CTDNEP1: variants seen among roughly 807,000 people sequenced by gnomAD.
The protein encoded by CTDNEP1 is C-terminal domain nuclear envelope phosphatase 1.
CTDNEP1 carries 3 observed loss-of-function variants against 30.1 expected under a neutral mutation model. The ratio of observed to expected loss-of-function variants is 0.10; its 90% CI spans 0.05 to 0.26. The LOEUF is 0.26. Ranked by LOEUF, CTDNEP1 falls within the 10% of genes least tolerant of loss-of-function variation. The pLI, the probability that CTDNEP1 is intolerant of heterozygous loss-of-function variation, is 1.00. For missense variants in CTDNEP1, 158 were observed against 310.4 expected, an observed-to-expected ratio of 0.51 and a Z score of 3.69; for synonymous variants, 123 against 118.8, an observed-to-expected ratio of 1.04 and a Z score of -0.23.
At chr17:7,247,229 A>C (rs762992270) in intron 2 of CTDNEP1, 47 bp from the exon 3 acceptor site, 2 of 1,610,668 alleles carry the variant, frequency 1.2e-6, no homozygotes, top group South Asian at 1.1e-5. Context: ...TCTGACCCAG[A>C]GCTAGCCCCT....
chr17:7,247,818 A>C (rs2071863082), intron 1 of CTDNEP1, among the ~76,000 whole-genome samples: 1 of 152,086 alleles, frequency 6.6e-6, no homozygotes, highest in Non-Finnish European at 1.5e-5. Flanking sequence ...ACCTGTTTTA[A>C]GGTTAAAGAA....
In CTDNEP1 at chr17:7,246,663, C is replaced by T. The variant is rs761035936; in HGVS notation, c.360+128G>A. On this transcript the variant is annotated intron_variant, in intron 4 of 7. Transcript: ENST00000574322. This position sits in a 1 kb window ranked among gnomAD's most constrained non-coding sequence, Gnocchi z 4.9. ...ACTGAAAGCCACTCCCCTACCATTACACAGCCTCCCCTCTAGAAAACTGCT... is the reference window on the plus strand; with the variant it reads ...ACTGAAAGCCACTCCCCTACCATTATACAGCCTCCCCTCTAGAAAACTGCT... 2 of 767,924 alleles carry T rather than the reference C, an allele frequency of 2.6e-6. No homozygotes were observed. The highest frequency in any genetic ancestry group is 2.4e-5 in the East Asian group (1 of 40,964). 47.6% of individuals were successfully genotyped at this position (767,924 alleles called of 1,614,324 possible).
intron 7 of CTDNEP1, 43 bp from the exon 8 acceptor site, chr17:7,244,288 C>A: frequency 1.3e-6 from 2 of 1,591,506 alleles, no homozygotes; most frequent in South Asian, 2.2e-5. Context: ...CCTTATAGTT[C>A]ATACCCTCAC....
rs1597577891 is a variant in CTDNEP1 at position 7,251,621 on chromosome 17, T to C, written c.-325A>G. 1 of 64,048 alleles carries C rather than the reference T, an allele frequency of 1.6e-5. No individual in the cohort carries two copies. Among genetic ancestry groups the C allele is most frequent in the Non-Finnish European group, 2.9e-5 (1 of 34,374 alleles). The allele number at this position is 64,048 out of a possible 1,614,324, so 4.0% of individuals were successfully genotyped here. A position where few individuals can be genotyped will look rare whatever the true frequency, so the allele number is the denominator to read the frequency against. On this transcript the variant is annotated 5_prime_UTR_variant, in exon 1 of 8. Transcript: ENST00000574322. ...CGAGACCTGGAGGGAAGGGGAAGGA[T>C]AATTGGGGGAGGGGGCAGTGGGGGA...
intron 6 of CTDNEP1, among the ~76,000 whole-genome samples, chr17:7,245,189 G>A (rs532112648): frequency 6.6e-6 from 1 of 152,288 alleles, no homozygotes; most frequent in South Asian, 2.1e-4. Context: ...CTACTTGGGA[G>A]GCTGAGGCAG....
rs375033484 is a variant in CTDNEP1, at chr17:7,246,184, C to A, written c.478-47G>T. ...AGCAGGCCTCTCTCCAGGATACTCT[C>A]CTCAAACCCAGATCCCTCCCTGGTG... On this transcript the variant is annotated intron_variant, in intron 5 of 7. Coordinates refer to ENST00000574322, the MANE Select transcript of CTDNEP1 (RefSeq NM_001143775.2). The surrounding 1 kb of genome is among the most constrained non-coding windows in gnomAD (Gnocchi z 4.9). 9.5e-6 allele frequency: 15 copies of A among 1,585,686 alleles called. No homozygotes were observed. In the African/African-American group the frequency reaches 1.9e-4, roughly 20 times the overall value.
chr17:7,249,462 A>T (rs1204160027), intron 1 of CTDNEP1, among the ~76,000 whole-genome samples: 1 of 152,134 alleles, frequency 6.6e-6, no homozygotes, highest in Non-Finnish European at 1.5e-5. Context: ...AAGAAACCAG[A>T]TTGGAAGGGA....
intron 6 of CTDNEP1, 91 bp from the exon 7 acceptor site, chr17:7,244,726 A>G: frequency 3.1e-6 from 3 of 966,550 alleles, no homozygotes; most frequent in Non-Finnish European, 4.5e-6. Flanking sequence ...ATTATTGTTA[A>G]AAATATATGC....
Position 7,246,660 on chromosome 17 carries a change from T to C in CTDNEP1, c.360+131A>G. The C allele has an allele frequency of 1.3e-6, 1 of 755,060 alleles. No individual in the cohort carries two copies. Among genetic ancestry groups the C allele is most frequent in the South Asian group, 1.7e-5 (1 of 59,942 alleles). The allele number at this position is 755,060 out of a possible 1,614,324, so 46.8% of individuals were successfully genotyped here. On this transcript the variant is annotated intron_variant, in intron 4 of 7. Transcript: ENST00000574322. The surrounding 1 kb of genome is among the most constrained non-coding windows in gnomAD (Gnocchi z 4.9). ...AGTACTGAAAGCCACTCCCCTACCATTACACAGCCTCCCCTCTAGAAAACT... is the reference window on the plus strand; with the variant it reads ...AGTACTGAAAGCCACTCCCCTACCACTACACAGCCTCCCCTCTAGAAAACT...
At chr17:7,247,988 C>T (rs547124255) in intron 1 of CTDNEP1, among the ~76,000 whole-genome samples, 80 of 151,724 alleles carry the variant, frequency 5.3e-4, no homozygotes, top group African/African-American at 1.7e-3. Context: ...ATCAGCCAGG[C>T]GCAGTGGCTC....
At chr17:7,247,684 G>T (rs1400076415) in intron 1 of CTDNEP1, among the ~76,000 whole-genome samples, 2 of 151,734 alleles carry the variant, frequency 1.3e-5, no homozygotes, top group Non-Finnish European at 1.5e-5. Context: ...GGCCTGGCTG[G>T]TCTCAAACTC....
intron 1 of CTDNEP1, among the ~76,000 whole-genome samples, chr17:7,247,759 G>A (rs1233101357): frequency 2.6e-5 from 4 of 151,650 alleles, no homozygotes; most frequent in Non-Finnish European, 4.4e-5. Flanking sequence ...GAGCCACTAC[G>A]CTGGCCTTTT....
chr17:7,244,409 T>C, intron 7 of CTDNEP1, 142 bp downstream of exon 7: 1 of 1,180,666 alleles, frequency 8.5e-7, no homozygotes, highest in Non-Finnish European at 1.2e-6. Flanking sequence ...TGATGAGCTT[T>C]GAAGTAAGAC....
chr17:7,246,962 G>A lies in CTDNEP1; in HGVS notation c.289-100C>T, dbSNP rs2071846215. On this transcript the variant is annotated intron_variant, in intron 3 of 7. Coordinates refer to ENST00000574322, the MANE Select transcript of CTDNEP1 (RefSeq NM_001143775.2). This position sits in a 1 kb window ranked among gnomAD's most constrained non-coding sequence, Gnocchi z 4.9. ...GCTTCCCTCCTCCAGGCTGACACTG[G>A]TGCCAGCGGATGGAGACAGATGCTC... The A allele has an allele frequency of 1.4e-6, 2 of 1,410,968 alleles. No homozygotes were observed. Among genetic ancestry groups the A allele is most frequent in the East Asian group, 4.6e-5 (2 of 43,892 alleles). 87.4% of individuals were successfully genotyped at this position (1,410,968 alleles called of 1,614,324 possible). A position where few individuals can be genotyped will look rare whatever the true frequency, so the allele number is the denominator to read the frequency against.
chr17:7,251,111 C>T (rs2071914054), intron 1 of CTDNEP1, 84 bp downstream of exon 1: 2 of 961,230 alleles, frequency 2.1e-6, no homozygotes, highest in East Asian at 3.2e-5. Flanking sequence ...AGGCCCGACA[C>T]TCCGAAAACC....
Position 7,244,148 on chromosome 17 carries a change from C to A in CTDNEP1, c.*37G>T, listed in dbSNP as rs751035405. On this transcript the variant is annotated 3_prime_UTR_variant, in exon 8 of 8. Coordinates refer to ENST00000574322, the MANE Select transcript of CTDNEP1 (RefSeq NM_001143775.2). ...CATCCCAAGGGCTCGCCCTCCCTTT[C>A]CCCCCCACCCCAACTCAGGTGGAGG... The A allele has an allele frequency of 6.2e-7, 1 of 1,611,062 alleles. No individual in the cohort carries two copies. Among genetic ancestry groups the A allele is most frequent in the Non-Finnish European group, 8.5e-7 (1 of 1,178,310 alleles).
In CTDNEP1 at chr17:7,251,189, G is replaced by T. The variant is rs1422265035; in HGVS notation, c.102+6C>A. ...CCCAACACCGCCAGCGCCCACCCTGGCTCACCGTGCGGATCTGCCTCCGCA... is the reference window on the plus strand; with the variant it reads ...CCCAACACCGCCAGCGCCCACCCTGTCTCACCGTGCGGATCTGCCTCCGCA... On this transcript the variant is annotated splice_donor_region_variant and intron_variant, in intron 1 of 7. Transcript: ENST00000574322. 7 of 1,590,640 alleles carry T rather than the reference G, an allele frequency of 4.4e-6. No individual in the cohort carries two copies. The highest frequency in any genetic ancestry group is 5.1e-6 in the Non-Finnish European group (6 of 1,169,140).
In CTDNEP1 at chr17:7,251,360, G is replaced by A. The variant is rs2071921323; in HGVS notation, c.-64C>T. The A allele has an allele frequency of 1.7e-6, 2 of 1,165,680 alleles. No individual in the cohort carries two copies. Among genetic ancestry groups the A allele is most frequent in the Non-Finnish European group, 1.1e-6 (1 of 887,000 alleles). 72.2% of individuals were successfully genotyped at this position (1,165,680 alleles called of 1,614,324 possible). On this transcript the variant is annotated 5_prime_UTR_variant, in exon 1 of 8. Coordinates refer to ENST00000574322, the MANE Select transcript of CTDNEP1 (RefSeq NM_001143775.2). ...GGCCCAGCTCCGCCAGCCCCCCGGG[G>A]GCAGCCCCCCGCCGCCGGGAGGGGG...
At position 7,246,900 on chromosome 17, in the gene CTDNEP1, C is replaced by CACCACA. The variant is rs1453062094; in HGVS notation, c.289-44_289-39dup. ...AAGATGGGCTGGGGGATGTCATGAC[C>CACCACA]ACCACAACCCAGGCCTAGAAAACGC... On this transcript the variant is annotated intron_variant, in intron 3 of 7. Coordinates refer to ENST00000574322, the MANE Select transcript of CTDNEP1 (RefSeq NM_001143775.2). This position sits in a 1 kb window ranked among gnomAD's most constrained non-coding sequence, Gnocchi z 4.9. 3 of 1,581,076 alleles carry CACCACA rather than the reference C, an allele frequency of 1.9e-6. No individual in the cohort carries two copies. The highest frequency in any genetic ancestry group is 3.3e-4 in the Middle Eastern group (2 of 5,994).
Sources: gnomAD v4.1 joint callset for allele counts (sites outside exome capture counted in the v4.1 genomes callset) on GRCh38, gnomAD v4.1.1 for gene constraint, Gnocchi (gnomAD v3.1) non-coding constraint, MANE v1.5 for transcripts, NCBI Gene and HGNC (gene_info 2026-07-23, HGNC 2026-07-21) for gene names.